The following SH3RF2 variants were observed in gnomAD, a reference collection of about 807,000 sequenced individuals.
The protein encoded by SH3RF2 is E3 ubiquitin-protein ligase SH3RF2.
In SH3RF2, 43 loss-of-function variants were observed where a neutral mutation model predicts 59.0. That is an observed-to-expected ratio of 0.73 (90% CI 0.57 to 0.94). The LOEUF (loss-of-function observed/expected upper bound fraction) is 0.94, where lower values mean the gene tolerates loss of function less well. Among genes scored for constraint, SH3RF2 ranks in the 40% least tolerant of loss-of-function variants. SH3RF2 has a pLI of 0.00. For missense variants in SH3RF2, 930 were observed against 940.1 expected (o/e 0.99, Z 0.14); for synonymous variants, 391 against 391.5 (o/e 1.00, Z 0.01).
At position 146,028,545 on chromosome 5, in the gene SH3RF2, G is replaced by T. The variant is rs545816883; in HGVS notation, c.1059+14484G>T. On this transcript the variant is annotated intron_variant, in intron 5 of 9. Coordinates refer to ENST00000359120, the MANE Select transcript of SH3RF2 (RefSeq NM_152550.4). ...TGTTGCGGCGGCCGCCCTGGGCATTGTGGGGTTTTTAGCGGCATCCCCGGC... is the reference window on the plus strand; with the variant it reads ...TGTTGCGGCGGCCGCCCTGGGCATTTTGGGGTTTTTAGCGGCATCCCCGGC... 6.6e-5 allele frequency among the ~76,000 whole-genome samples: 10 copies of T among 152,322 alleles called. No individual in the cohort carries two copies. The East Asian group carries it at 1.9e-3, about 29-fold the overall frequency.
intron 2 of SH3RF2, among the ~76,000 whole-genome samples, chr5:145,994,291 G>C (rs769541888): frequency 6.6e-6 from 1 of 152,146 alleles, no homozygotes; most frequent in Non-Finnish European, 1.5e-5. Context: ...ACATTTTGCT[G>C]TCTTCTTCTG....
rs1762357848 is a variant in SH3RF2 at position 146,047,755 on chromosome 5, C to T, written c.1060-17C>T. The stretch of plus-strand genomic sequence containing the variant: ...GCATTCATTGGTTCTGCTTGGCTGT[C>T]TTTTCTGTCTGTGCAGGTCAGCACT... On this transcript the variant is annotated splice_polypyrimidine_tract_variant and intron_variant, in intron 5 of 9. Coordinates refer to ENST00000359120, the MANE Select transcript of SH3RF2 (RefSeq NM_152550.4). 2.5e-6 allele frequency: 4 copies of T among 1,613,280 alleles called. No individual in the cohort carries two copies. The highest frequency in any genetic ancestry group is 3.4e-6 in the Non-Finnish European group (4 of 1,179,568).
rs182950933 is a variant in SH3RF2, at chr5:145,988,869, A to G, written c.379-11189A>G. 5.9e-5 allele frequency among the ~76,000 whole-genome samples: 9 copies of G among 152,292 alleles called. 1 individual carries two copies. Among genetic ancestry groups the G allele is most frequent in the African/African-American group, 2.2e-4 (9 of 41,568 alleles). On this transcript the variant is annotated intron_variant, in intron 2 of 9. Coordinates refer to ENST00000359120, the MANE Select transcript of SH3RF2 (RefSeq NM_152550.4). ...TCTCCCTCCTTATCAGAGAAGAGAA[A>G]ACATACACAAGGGCTAACCAGCCCT...
intron 2 of SH3RF2, chr5:145,997,817 C>T (rs927767033): frequency 4.2e-5 from 63 of 1,486,844 alleles, no homozygotes; most frequent in Non-Finnish European, 5.3e-5. Flanking sequence ...TAGGATCCCC[C>T]GCCGAAATAG....
intron 5 of SH3RF2, among the ~76,000 whole-genome samples, chr5:146,043,294 G>A (rs1310697592): frequency 6.6e-6 from 1 of 151,930 alleles, no homozygotes. Context: ...TCCCATTCTT[G>A]GTTTCTCTCC....
At position 146,051,585 on chromosome 5, in the gene SH3RF2, GT is replaced by G. The variant is rs920154903; in HGVS notation, c.1322+2349del. ...AATAGAGGATCCAAGGTGAGAGCAA[GT>G]TTTTTTTTCCTGAGTGACTGCAAGA... On this transcript the variant is annotated intron_variant, in intron 7 of 9. Transcript: ENST00000359120. Among the ~76,000 whole-genome samples, 63 of 151,708 alleles carry G rather than the reference GT, an allele frequency of 4.2e-4. 1 individual carries two copies. The highest frequency in any genetic ancestry group is 1.7e-3 in the Admixed American group (26 of 15,218).
intron 6 of SH3RF2, among the ~76,000 whole-genome samples, chr5:146,048,322 A>T (rs1762378010): frequency 6.6e-6 from 1 of 151,858 alleles, no homozygotes; most frequent in Non-Finnish European, 1.5e-5. Flanking sequence ...CTCAAAAAAA[A>T]AAAAAGACAA....
chr5:146,078,185 A>G (rs942531645), intron 9 of SH3RF2, among the ~76,000 whole-genome samples: 5 of 152,202 alleles, frequency 3.3e-5, no homozygotes, highest in Non-Finnish European at 7.3e-5. Context: ...AAGTCTCAGA[A>G]TATCTCCTCA....
At position 146,023,092 on chromosome 5, in the gene SH3RF2, A is replaced by G. The variant is rs1039697273; in HGVS notation, c.1059+9031A>G. The stretch of plus-strand genomic sequence containing the variant: ...ATCCCTCCTTCTCCCTTAACCATCT[A>G]TACATTAAAAAAACAAAGTCACTTG... On this transcript the variant is annotated intron_variant, in intron 5 of 9. Transcript: ENST00000359120. Among the ~76,000 whole-genome samples, 8 of 152,056 alleles carry G rather than the reference A, an allele frequency of 5.3e-5. No individual in the cohort carries two copies. In the South Asian group the frequency reaches 1.7e-3, roughly 32 times the overall value.
At chr5:146,004,561 A>G (rs1238392737) in intron 4 of SH3RF2, among the ~76,000 whole-genome samples, 1 of 152,206 alleles carries the variant, frequency 6.6e-6, no homozygotes, top group Admixed American at 6.5e-5. Context: ...GAAAAAACAG[A>G]AATACTCTAA....
chr5:146,033,261 C>T (rs962377180), intron 5 of SH3RF2, among the ~76,000 whole-genome samples: 1 of 151,958 alleles, frequency 6.6e-6, no homozygotes, highest in Non-Finnish European at 1.5e-5. Context: ...TCATTTTTCC[C>T]ATCTTATCTC....
exon 10 of SH3RF2, chr5:146,078,621 C>T (rs1763376879): frequency 6.6e-6 from 1 of 152,106 alleles, no homozygotes; most frequent in African/African-American, 2.4e-5. Flanking sequence ...GTCTGGCCTC[C>T]AAGACAGGAG....
intron 4 of SH3RF2, among the ~76,000 whole-genome samples, chr5:146,011,137 A>G (rs912110780): frequency 9.2e-5 from 14 of 152,158 alleles, no homozygotes; most frequent in African/African-American, 3.1e-4. Context: ...TAAATAGGGA[A>G]TCGTTTCCCC....
intron 6 of SH3RF2, 136 bp downstream of exon 6, chr5:146,047,999 C>T: frequency 1.2e-6 from 1 of 810,192 alleles, no homozygotes; most frequent in South Asian, 1.7e-5. Context: ...TTACCACTTC[C>T]AAGTGAAATA....
intron 5 of SH3RF2, among the ~76,000 whole-genome samples, chr5:146,025,476 A>T (rs1231726339): frequency 6.6e-6 from 1 of 152,258 alleles, no homozygotes; most frequent in Non-Finnish European, 1.5e-5. Context: ...GATCAGGAGA[A>T]AGAGGCCCAA....
chr5:145,969,287 G>GAA (rs1348011485), intron 2 of SH3RF2, among the ~76,000 whole-genome samples: 1 of 152,014 alleles, frequency 6.6e-6, no homozygotes, highest in Non-Finnish European at 1.5e-5. Flanking sequence ...AACATTTAAA[G>GAA]AAAAAAACTC....
At chr5:145,991,351 G>A (rs763566712) in intron 2 of SH3RF2, among the ~76,000 whole-genome samples, 1 of 152,198 alleles carries the variant, frequency 6.6e-6, no homozygotes, top group African/African-American at 2.4e-5. Context: ...CATGGAAAGT[G>A]CAGTAGTGCA....
At chr5:145,998,782 G>A (rs1974569) in intron 2 of SH3RF2, among the ~76,000 whole-genome samples, 85,365 of 151,782 alleles carry the variant, frequency 0.56, 24,649 homozygotes, top group South Asian at 0.79. Context: ...GTGGTGGTGT[G>A]CGCCTGTAAT....
intron 2 of SH3RF2, among the ~76,000 whole-genome samples, chr5:145,950,846 T>C (rs1472040162): frequency 6.6e-6 from 1 of 152,138 alleles, no homozygotes; most frequent in Non-Finnish European, 1.5e-5. Context: ...TCATTGTAGG[T>C]GAGGAAAAAT....
Sources: gnomAD v4.1 joint callset for allele counts (sites outside exome capture counted in the v4.1 genomes callset) on GRCh38, gnomAD v4.1.1 for gene constraint, MANE v1.5 for transcripts, NCBI Gene and HGNC (gene_info 2026-07-23, HGNC 2026-07-21) for gene names.